Variants in ADAMTSL3 observed in about 807,000 individuals in gnomAD.
ADAMTSL3 encodes ADAMTS like 3, also known as ADAMTS-like protein 3.
In ADAMTSL3, 128 loss-of-function variants were observed where a neutral mutation model predicts 201.7. That is an observed-to-expected ratio of 0.63 (90% CI 0.55 to 0.73). The LOEUF (loss-of-function observed/expected upper bound fraction) is 0.73. Ranked by LOEUF, ADAMTSL3 falls within the 30% of genes least tolerant of loss-of-function variation. The pLI is 0.00. For synonymous variants in ADAMTSL3, 738 were observed against 748.4 expected (o/e 0.99, Z 0.23); for missense variants, 1,990 against 2,119.6 (o/e 0.94, Z 1.20).
chr15:83,874,455 G>A (rs1435971426), intron 9 of ADAMTSL3, among the ~76,000 whole-genome samples: 2 of 144,310 alleles, frequency 1.4e-5, no homozygotes, highest in African/African-American at 5.3e-5. Flanking sequence ...AAAATTTAGT[G>A]TACTCCTGAC....
chr15:83,913,145 A>G lies in ADAMTSL3; in HGVS notation c.1754A>G (p.Gln585Arg), dbSNP rs1370190922. ...ACSTTCGPGV[Q>R]VREVKCRVLL... ...AGTACCACGTGTGGGCCGGGTGTGC[A>G]GGTCCGTGAGGTGAAGTGCCGTGTG... is the stretch of plus-strand genomic sequence containing the variant. Residue 585 changes from glutamine (Q) to arginine (R), a missense_variant, in exon 16 of 30, where the codon CAG (glutamine) becomes CGG (arginine). Physicochemically the swap from Gln to Arg is conservative, Grantham distance 43 (BLOSUM62 1). Transcript: ENST00000286744. The G allele has an allele frequency of 1.2e-6, 2 of 1,614,002 alleles. No individual in the cohort carries two copies. The highest frequency in any genetic ancestry group is 2.7e-5 in the African/African-American group (2 of 74,898).
At chr15:83,935,747 A>G (rs1030143673) in intron 17 of ADAMTSL3, among the ~76,000 whole-genome samples, 2 of 152,158 alleles carry the variant, frequency 1.3e-5, no homozygotes, top group Non-Finnish European at 2.9e-5. Flanking sequence ...AGAATTGTAT[A>G]CTTATTAAAA....
chr15:83,674,630 C>A (rs60619082), intron 2 of ADAMTSL3, among the ~76,000 whole-genome samples: 27,279 of 148,688 alleles, frequency 0.18, 3,501 homozygotes, highest in East Asian at 0.36. Context: ...TATATATAAA[C>A]ATATATATAC....
intron 13 of ADAMTSL3, among the ~76,000 whole-genome samples, chr15:83,897,409 C>T (rs978989180): frequency 6.6e-6 from 1 of 151,930 alleles, no homozygotes; most frequent in African/African-American, 2.4e-5. Flanking sequence ...AGACTGACTT[C>T]TATAGACAGA....
intron 3 of ADAMTSL3, among the ~76,000 whole-genome samples, chr15:83,708,694 T>G (rs967021054): frequency 1.3e-5 from 2 of 152,228 alleles, no homozygotes; most frequent in Non-Finnish European, 2.9e-5. Context: ...GATTTCATGA[T>G]CTGAACTCTT....
intron 28 of ADAMTSL3, among the ~76,000 whole-genome samples, chr15:84,035,234 T>C (rs973325033): frequency 2.0e-5 from 3 of 152,152 alleles, no homozygotes; most frequent in African/African-American, 7.2e-5. Context: ...TACAATCCTT[T>C]GGGCTAGAAG....
At chr15:83,809,915 G>C (rs1344560967) in intron 5 of ADAMTSL3, among the ~76,000 whole-genome samples, 2 of 151,898 alleles carry the variant, frequency 1.3e-5, no homozygotes, top group Admixed American at 6.6e-5. Context: ...CCTGGGTAAG[G>C]GTTTCTAATC....
At chr15:83,781,056 C>T (rs1298801821) in intron 4 of ADAMTSL3, among the ~76,000 whole-genome samples, 1 of 151,974 alleles carries the variant, frequency 6.6e-6, no homozygotes, top group Non-Finnish European at 1.5e-5. Flanking sequence ...AGATTCAATG[C>T]TATTTCTATT....
intron 4 of ADAMTSL3, among the ~76,000 whole-genome samples, chr15:83,796,256 T>A (rs1341127165): frequency 1.3e-5 from 2 of 152,202 alleles, no homozygotes; most frequent in East Asian, 3.9e-4. Context: ...ATTCAGAGAC[T>A]ACTAAATTGT....
At chr15:83,668,348 A>G (rs1484710106) in intron 2 of ADAMTSL3, among the ~76,000 whole-genome samples, 1 of 151,664 alleles carries the variant, frequency 6.6e-6, no homozygotes, top group Non-Finnish European at 1.5e-5. Flanking sequence ...TTTGGTATTG[A>G]GTATTACTGA....
chr15:83,727,004 A>G (rs565807744), intron 3 of ADAMTSL3, among the ~76,000 whole-genome samples: 1 of 151,992 alleles, frequency 6.6e-6, no homozygotes, highest in South Asian at 2.1e-4. Context: ...AGAATTCAGT[A>G]GTGAAGCCAT....
At chr15:83,951,661 A>G (rs1009266162) in intron 19 of ADAMTSL3, among the ~76,000 whole-genome samples, 1 of 152,076 alleles carries the variant, frequency 6.6e-6, no homozygotes, top group Non-Finnish European at 1.5e-5. Context: ...TTACTGGGAG[A>G]CATTTTATTA....
intron 23 of ADAMTSL3, among the ~76,000 whole-genome samples, chr15:83,995,513 T>C (rs931456351): frequency 2.0e-5 from 3 of 152,090 alleles, no homozygotes; most frequent in African/African-American, 4.8e-5. Context: ...TGTTCAACAC[T>C]GCGTTAGCAC....
At chr15:83,848,895 A>G (rs1217313013) in intron 7 of ADAMTSL3, among the ~76,000 whole-genome samples, 1 of 152,182 alleles carries the variant, frequency 6.6e-6, no homozygotes, top group Admixed American at 6.5e-5. Context: ...CCCTTTGCAT[A>G]TATTACCTCA....
intron 2 of ADAMTSL3, among the ~76,000 whole-genome samples, chr15:83,662,537 A>G (rs74595243): frequency 6.7e-6 from 1 of 150,336 alleles, no homozygotes; most frequent in East Asian, 1.9e-4. Flanking sequence ...AACCTGCACA[A>G]TGTGCACATG....
At chr15:83,716,515 C>CA (rs751248003) in intron 3 of ADAMTSL3, among the ~76,000 whole-genome samples, 1,572 of 53,346 alleles carry the variant, frequency 0.029, 32 homozygotes, top group African/African-American at 0.09. Context: ...AACTCCGTCT[C>CA]AAAAAAAAAA....
At chr15:83,920,002 TG>T (rs1415628621) in intron 16 of ADAMTSL3, among the ~76,000 whole-genome samples, 2 of 152,216 alleles carry the variant, frequency 1.3e-5, no homozygotes, top group East Asian at 3.8e-4. Flanking sequence ...GAATGACAGA[TG>T]TTTGAGGTAA....
intron 19 of ADAMTSL3, among the ~76,000 whole-genome samples, chr15:83,953,395 A>G (rs1458121653): frequency 7.1e-6 from 1 of 141,626 alleles, no homozygotes; most frequent in Non-Finnish European, 1.6e-5. Context: ...CATTGTGTAA[A>G]CAAACACACA....
At chr15:83,715,894 T>C (rs1291711499) in intron 3 of ADAMTSL3, among the ~76,000 whole-genome samples, 1 of 152,226 alleles carries the variant, frequency 6.6e-6, no homozygotes, top group Non-Finnish European at 1.5e-5. Flanking sequence ...TTATTGAATG[T>C]CTGTGTTTTC....
Sources: allele counts gnomAD v4.1 joint callset (sites outside exome capture counted in the v4.1 genomes callset), GRCh38; gene constraint gnomAD v4.1.1; transcripts MANE v1.5; gene names NCBI Gene and HGNC (gene_info 2026-07-23, HGNC 2026-07-21).